The following TANGO6 variants were observed in gnomAD, a reference collection of about 807,000 sequenced individuals.
TANGO6 encodes the protein transport and golgi organization 6 homolog, also known as transport and Golgi organization protein 6 homolog.
A neutral mutation model predicts 114.2 loss-of-function variants in TANGO6; 90 were observed. The observed-to-expected ratio is 0.79, with a 90% CI of 0.66 to 0.94. TANGO6 has a LOEUF of 0.94. TANGO6 is among the 40% of genes least tolerant of loss of function. The probability of loss-of-function intolerance (pLI) is 0.00; values close to 1 mark genes in which losing one functional copy is unlikely to be tolerated. For synonymous variants in TANGO6, 477 were observed against 509.8 expected, an observed-to-expected ratio of 0.94 and a Z score of 0.87; for missense variants, 1,274 against 1,315.3, an observed-to-expected ratio of 0.97 and a Z score of 0.49.
At chr16:69,061,751 G>A (rs1960120487) in intron 17 of TANGO6, among the ~76,000 whole-genome samples, 1 of 152,046 alleles carries the variant, frequency 6.6e-6, no homozygotes, top group Non-Finnish European at 1.5e-5. Flanking sequence ...GGCGCGCGGT[G>A]GCTCACGCCT....
chr16:69,079,583 A>T (rs1960436810), intron 17 of TANGO6, among the ~76,000 whole-genome samples: 1 of 152,072 alleles, frequency 6.6e-6, no homozygotes, highest in Admixed American at 6.6e-5. Context: ...CTTAAAAAAA[A>T]ATGGAGTTTT....
At chr16:68,878,383 T>G (rs1400101340) in intron 6 of TANGO6, 103 bp downstream of exon 6, 2 of 1,325,686 alleles carry the variant, frequency 1.5e-6, no homozygotes, top group Non-Finnish European at 2.0e-6. Context: ...TCTTTAGTTT[T>G]CCTTCCCCTC....
chr16:68,896,628 A>G (rs992849594), intron 7 of TANGO6, among the ~76,000 whole-genome samples: 6 of 152,174 alleles, frequency 3.9e-5, no homozygotes, highest in African/African-American at 1.2e-4. Flanking sequence ...TAAAGGTTAC[A>G]TGTACTTCCA....
chr16:68,922,264 G>A (rs577094589), intron 12 of TANGO6, among the ~76,000 whole-genome samples: 8 of 151,486 alleles, frequency 5.3e-5, no homozygotes, highest in East Asian at 3.9e-4. Flanking sequence ...AAGGCCGGGC[G>A]CGGTGGCTTA....
intron 14 of TANGO6, among the ~76,000 whole-genome samples, chr16:68,933,188 T>G (rs113027144): frequency 0.18 from 27,033 of 152,080 alleles, 3,543 homozygotes; most frequent in African/African-American, 0.37. Flanking sequence ...GCCGAGGTGG[T>G]TGGATCACCT....
chr16:68,951,848 G>C (rs746751857), intron 14 of TANGO6, among the ~76,000 whole-genome samples: 1 of 152,086 alleles, frequency 6.6e-6, no homozygotes, highest in Non-Finnish European at 1.5e-5. Context: ...TCCTGACCTT[G>C]TGATCCACCC....
chr16:68,880,200 G>A (rs1375983545), intron 6 of TANGO6, among the ~76,000 whole-genome samples: 3 of 148,588 alleles, frequency 2.0e-5, no homozygotes, highest in East Asian at 2.1e-4. Flanking sequence ...TTTCAAACTC[G>A]TGACTTTGTG....
In TANGO6 at chr16:69,084,981, C is replaced by T. The variant is rs900457790; in HGVS notation, c.*1320C>T. 1 of 152,312 alleles carries T rather than the reference C, an allele frequency of 6.6e-6. No individual in the cohort carries two copies. Among genetic ancestry groups the T allele is most frequent in the African/African-American group, 2.4e-5 (1 of 41,456 alleles). The allele number at this position is 152,312 out of a possible 1,614,324, so 9.4% of individuals were successfully genotyped here. ...TCTTATGAACAGGATCACAAGTGAGCTTAGTGAGCAGAGAGTTAGAACAAA... is the reference window on the plus strand; with the variant it reads ...TCTTATGAACAGGATCACAAGTGAGTTTAGTGAGCAGAGAGTTAGAACAAA... On this transcript the variant is annotated 3_prime_UTR_variant, in exon 18 of 18. Transcript: ENST00000261778.
At position 68,902,335 on chromosome 16, in the gene TANGO6, T is replaced by C; in HGVS notation, c.1498T>C (p.Cys500Arg). The C allele has an allele frequency of 6.2e-7, 1 of 1,609,382 alleles. No individual in the cohort carries two copies. Among genetic ancestry groups the C allele is most frequent in the Non-Finnish European group, 8.5e-7 (1 of 1,178,150 alleles). ...AACTGCTTTTTCTGCCAGGTCACTTTGCCAAGAAATCTTATTATGGATTCT... is the reference window on the plus strand; with the variant it reads ...AACTGCTTTTTCTGCCAGGTCACTTCGCCAAGAAATCTTATTATGGATTCT... ...KQSVSHIRSL[C>R]QEILLWILGK... The change falls in exon 9 of 18, where the codon TGC becomes CGC. Residue 500 changes from cysteine to arginine, a missense_variant. Coordinates refer to ENST00000261778, the MANE Select transcript of TANGO6 (RefSeq NM_024562.2).
chr16:68,915,881 A>G (rs1396023628), intron 11 of TANGO6, among the ~76,000 whole-genome samples: 6 of 152,170 alleles, frequency 3.9e-5, no homozygotes, highest in Admixed American at 1.3e-4. Flanking sequence ...GCAAGCTTGC[A>G]TGTTATTTGG....
Position 69,040,429 on chromosome 16 carries a change from C to A in TANGO6, c.3108+8C>A. 6.3e-7 allele frequency: 1 copy of A among 1,585,254 alleles called. No homozygotes were observed. The highest frequency in any genetic ancestry group is 8.6e-7 in the Non-Finnish European group (1 of 1,164,446). ...AGCCAGAAAGCTACTGAGGTCAGTC[C>A]GTCTCTCGCCCTTTGCAATTTCTCC... On this transcript the variant is annotated splice_region_variant and intron_variant, in intron 17 of 17. Coordinates refer to ENST00000261778, the MANE Select transcript of TANGO6 (RefSeq NM_024562.2).
At chr16:69,057,696 A>T (rs1316719236) in intron 17 of TANGO6, among the ~76,000 whole-genome samples, 1 of 152,168 alleles carries the variant, frequency 6.6e-6, no homozygotes, top group East Asian at 1.9e-4. Context: ...TCCAAAAGGA[A>T]AAGAGGCCAG....
chr16:68,863,044 C>T lies in TANGO6; in HGVS notation c.835C>T (p.Gln279Ter). ...AGCAGTCCGGGAACTGCTTATCCTC[C>T]AGGGAGGACCACCCCAGGTACTCAG... is the stretch of plus-strand genomic sequence containing the variant. ...PLAVRELLIL[Q>*]GGPPQSCTDV... Residue 279 changes from glutamine to a stop codon, truncating the protein, a stop_gained, in exon 3 of 18, where the codon CAG becomes TAG. Transcript: ENST00000261778. LOFTEE classifies it high-confidence loss of function. 6.3e-7 allele frequency: 1 copy of T among 1,575,884 alleles called. No individual in the cohort carries two copies. Among genetic ancestry groups the T allele is most frequent in the Non-Finnish European group, 8.6e-7 (1 of 1,160,852 alleles).
chr16:68,897,311 A>G (rs1962718907), intron 7 of TANGO6, among the ~76,000 whole-genome samples: 1 of 152,122 alleles, frequency 6.6e-6, no homozygotes, highest in African/African-American at 2.4e-5. Context: ...ACTACCTGGT[A>G]TTATATAGTT....
At position 69,056,836 on chromosome 16, in the gene TANGO6, C is replaced by T. The variant is rs141100765; in HGVS notation, c.3108+16415C>T. ...CTGGGGTTACAGGCGCCTGCCACCA[C>T]GCCCAACTAATTTTTTTGTATTTTT... On this transcript the variant is annotated intron_variant, in intron 17 of 17. Coordinates refer to ENST00000261778, the MANE Select transcript of TANGO6 (RefSeq NM_024562.2). Among the ~76,000 whole-genome samples, 1,000 of 151,992 alleles carry T rather than the reference C, an allele frequency of 6.6e-3. 8 individuals carry two copies. Among genetic ancestry groups the T allele is most frequent in the South Asian group, 0.023 (111 of 4,804 alleles).
intron 17 of TANGO6, among the ~76,000 whole-genome samples, chr16:69,054,499 A>T (rs1299219210): frequency 6.6e-6 from 1 of 152,168 alleles, no homozygotes; most frequent in Non-Finnish European, 1.5e-5. Context: ...GAATCAATTT[A>T]TCATCCAGAC....
In TANGO6 at chr16:68,927,745, A is replaced by G. The variant is rs1963186320; in HGVS notation, c.2305A>G (p.Arg769Gly). The change falls in exon 13 of 18, where the codon AGA (arginine) becomes GGA (glycine). Residue 769 changes from arginine to glycine, a missense_variant. This residue lies in a region of TANGO6 where 908 missense variants were observed against 910.2 expected (regional missense o/e 1.00). Coordinates refer to ENST00000261778, the MANE Select transcript of TANGO6 (RefSeq NM_024562.2). ...CATGGCTGCCCAAAGTACACTGAAC[A>G]GAAAAGATCTGGAAGGGAAAATAGA... ...VSMAAQSTLNRKDLEGKIEEQ... is the reference protein window; with the variant it reads ...VSMAAQSTLNGKDLEGKIEEQ... 3 of 1,614,022 alleles carry G rather than the reference A, an allele frequency of 1.9e-6. No homozygotes were observed. Among genetic ancestry groups the G allele is most frequent in the Non-Finnish European group, 2.5e-6 (3 of 1,179,898 alleles).
At position 69,015,172 on chromosome 16, in the gene TANGO6, C is replaced by T. The variant is rs571815291; in HGVS notation, c.2843-7656C>T. On this transcript the variant is annotated intron_variant, in intron 15 of 17. Coordinates refer to ENST00000261778, the MANE Select transcript of TANGO6 (RefSeq NM_024562.2). The stretch of plus-strand genomic sequence containing the variant: ...AAGGTCATAAATCCCCAAAGAAGAC[C>T]AGGTTTGAGCCAAGTATGTGACAGA... Among the ~76,000 whole-genome samples the T allele has an allele frequency of 3.3e-5, 5 of 152,174 alleles. No individual in the cohort carries two copies. In the South Asian group the frequency reaches 1.0e-3, roughly 32 times the overall value.
intron 7 of TANGO6, chr16:68,885,537 G>A (rs1177235994): frequency 2.0e-5 from 3 of 152,108 alleles, no homozygotes; most frequent in Non-Finnish European, 4.4e-5. Context: ...TCATATCAAT[G>A]GAATCATAGA....
Sources: gnomAD v4.1 joint callset for allele counts (sites outside exome capture counted in the v4.1 genomes callset) on GRCh38, gnomAD v4.1.1 for gene constraint, gnomAD v4.1.1 regional missense constraint, MANE v1.5 for transcripts, NCBI Gene and HGNC (gene_info 2026-07-23, HGNC 2026-07-21) for gene names.